The following CSMD1 variants were observed in gnomAD, a reference collection of about 807,000 sequenced individuals.
CSMD1 encodes the protein CUB and Sushi multiple domains 1.
Under a neutral mutation model 417.5 loss-of-function variants are expected in CSMD1, and 213 were observed. The observed-to-expected ratio is 0.51, with a 90% CI of 0.46 to 0.57. The LOEUF (loss-of-function observed/expected upper bound fraction) is 0.57. CSMD1 is among the 20% of genes least tolerant of loss of function. CSMD1 has a pLI of 0.00. For missense variants in CSMD1, 6,923 were observed against 4,529.7 expected (o/e 1.53, Z -15.17); for synonymous variants, 2,862 against 1,736.8 (o/e 1.65, Z -16.11).
At chr8:3,078,151 T>C (rs1199043023) in intron 49 of CSMD1, among the ~76,000 whole-genome samples, 1 of 152,232 alleles carries the variant, frequency 6.6e-6, no homozygotes, top group African/African-American at 2.4e-5. Context: ...CATAGGACCC[T>C]TGATTCTTTT....
At chr8:3,575,869 C>T (rs1024410500) in intron 9 of CSMD1, among the ~76,000 whole-genome samples, 11 of 150,928 alleles carry the variant, frequency 7.3e-5, no homozygotes, top group Non-Finnish European at 1.5e-4. Context: ...AATCAATACA[C>T]ATATTTTAGA....
chr8:4,447,137 T>G (rs138540997), intron 2 of CSMD1, among the ~76,000 whole-genome samples: 425 of 152,282 alleles, frequency 2.8e-3, no homozygotes, highest in African/African-American at 9.6e-3. Flanking sequence ...AATAGAATGT[T>G]AAAGACAAAC....
chr8:4,081,355 T>C (rs1014472212), intron 3 of CSMD1, among the ~76,000 whole-genome samples: 1 of 152,164 alleles, frequency 6.6e-6, no homozygotes, highest in Non-Finnish European at 1.5e-5. Flanking sequence ...AACAGGGTAT[T>C]GTGTGAATTA....
At chr8:4,920,643 G>A (rs1273040836) in intron 1 of CSMD1, among the ~76,000 whole-genome samples, 2 of 151,786 alleles carry the variant, frequency 1.3e-5, no homozygotes, top group Non-Finnish European at 2.9e-5. Flanking sequence ...CCTACATGGT[G>A]AAACCCTGTA....
At chr8:4,427,029 G>A (rs1212709337) in intron 2 of CSMD1, among the ~76,000 whole-genome samples, 2 of 152,058 alleles carry the variant, frequency 1.3e-5, no homozygotes, top group East Asian at 1.9e-4. Context: ...ATGTCCCCAC[G>A]AGAACTGGTG....
intron 7 of CSMD1, among the ~76,000 whole-genome samples, chr8:3,652,825 G>A (rs1386427474): frequency 6.6e-6 from 1 of 152,156 alleles, no homozygotes; most frequent in African/African-American, 2.4e-5. Context: ...GCAAGACTTT[G>A]TTTTGCTCAC....
chr8:4,410,792 T>TCC (rs1269904984), intron 3 of CSMD1, among the ~76,000 whole-genome samples: 2 of 152,136 alleles, frequency 1.3e-5, no homozygotes, highest in Non-Finnish European at 2.9e-5. Context: ...GAGTTGAGAC[T>TCC]CCCCTCTGCA....
At chr8:3,699,667 C>T (rs746825375) in intron 7 of CSMD1, among the ~76,000 whole-genome samples, 5 of 152,198 alleles carry the variant, frequency 3.3e-5, no homozygotes, top group African/African-American at 7.2e-5. Context: ...CAAATATTTA[C>T]TGGTGATCTG....
At chr8:3,299,479 C>A (rs1401688682) in intron 25 of CSMD1, among the ~76,000 whole-genome samples, 1 of 152,018 alleles carries the variant, frequency 6.6e-6, no homozygotes. Flanking sequence ...AATGTGGTAT[C>A]ATCGCTAAGG....
At chr8:4,924,876 C>T (rs1229161801) in intron 1 of CSMD1, among the ~76,000 whole-genome samples, 1 of 151,998 alleles carries the variant, frequency 6.6e-6, no homozygotes, top group Admixed American at 6.6e-5. Flanking sequence ...TTTCCCCAAC[C>T]AGCACAAGAC....
chr8:3,709,036 G>A (rs1801341131), intron 6 of CSMD1, among the ~76,000 whole-genome samples: 1 of 152,276 alleles, frequency 6.6e-6, no homozygotes, highest in South Asian at 2.1e-4. Flanking sequence ...AGTCCCTCCA[G>A]ACGCTTTCCA....
chr8:3,644,658 A>G (rs992039462), intron 7 of CSMD1, among the ~76,000 whole-genome samples: 5 of 152,186 alleles, frequency 3.3e-5, no homozygotes, highest in South Asian at 2.1e-4. Context: ...AGAGGGCAGC[A>G]GGTTCAAGTG....
chr8:3,709,622 C>A (rs867141011), intron 6 of CSMD1, among the ~76,000 whole-genome samples: 2 of 147,298 alleles, frequency 1.4e-5, no homozygotes, highest in Admixed American at 7.2e-5. Flanking sequence ...AAAGGCTGAT[C>A]TGCCCCAGTA....
At chr8:3,031,569 C>T (rs1810342725) in intron 50 of CSMD1, among the ~76,000 whole-genome samples, 1 of 151,872 alleles carries the variant, frequency 6.6e-6, no homozygotes, top group African/African-American at 2.4e-5. Context: ...TTTGTTGTTT[C>T]CTTGTTGTTT....
intron 3 of CSMD1, among the ~76,000 whole-genome samples, chr8:4,094,324 C>G (rs181012572): frequency 6.6e-6 from 1 of 152,008 alleles, no homozygotes. Context: ...CTGTAGGAAC[C>G]CAGGCCAGAG....
intron 3 of CSMD1, among the ~76,000 whole-genome samples, chr8:4,170,715 T>C (rs2131135569): frequency 6.6e-6 from 1 of 151,858 alleles, no homozygotes; most frequent in Non-Finnish European, 1.5e-5. Context: ...ATAGCTAGCA[T>C]GTGGATTTTT....
At chr8:3,404,055 A>G (rs1812199317) in intron 15 of CSMD1, among the ~76,000 whole-genome samples, 1 of 152,134 alleles carries the variant, frequency 6.6e-6, no homozygotes, top group Non-Finnish European at 1.5e-5. Flanking sequence ...ACCCTCCTTT[A>G]CGTGTAGTAT....
intron 5 of CSMD1, among the ~76,000 whole-genome samples, chr8:3,916,184 A>G (rs374396070): frequency 3.4e-4 from 52 of 152,144 alleles, no homozygotes; most frequent in African/African-American, 1.2e-3. Context: ...GAAGACAACA[A>G]TACAATGATG....
At chr8:3,255,830 C>T (rs1054072384) in intron 26 of CSMD1, among the ~76,000 whole-genome samples, 9 of 152,286 alleles carry the variant, frequency 5.9e-5, no homozygotes, top group Admixed American at 5.9e-4. Flanking sequence ...GATGTGATGC[C>T]TCATCCTGCT....
Sources: gnomAD v4.1 joint callset for allele counts (sites outside exome capture counted in the v4.1 genomes callset) on GRCh38, gnomAD v4.1.1 for gene constraint, MANE v1.5 for transcripts, NCBI Gene and HGNC (gene_info 2026-07-23, HGNC 2026-07-21) for gene names.